Variants in RBFOX1 observed in about 807,000 individuals in gnomAD.
RBFOX1 encodes the protein RNA binding fox-1 homolog 1, also known as RNA binding protein fox-1 homolog 1.
RBFOX1 carries 8 observed loss-of-function variants against 57.7 expected under a neutral mutation model. That is an observed-to-expected ratio of 0.14 (90% CI 0.08 to 0.25). The LOEUF is 0.25. RBFOX1 is among the 10% of genes least tolerant of loss of function. RBFOX1 has a pLI of 1.00. For missense variants in RBFOX1, 611 were observed against 548.5 expected (o/e 1.11, Z -1.14); for synonymous variants, 326 against 222.4 (o/e 1.47, Z -4.15).
chr16:5,538,441 G>T (rs1034599654), intron 2 of RBFOX1, among the ~76,000 whole-genome samples: 2 of 152,090 alleles, frequency 1.3e-5, no homozygotes, highest in African/African-American at 4.8e-5. Context: ...GAAGACTAAG[G>T]CTTTTAGACG....
intron 2 of RBFOX1, among the ~76,000 whole-genome samples, chr16:6,567,409 A>G (rs2097282251): frequency 2.0e-5 from 3 of 152,166 alleles, no homozygotes; most frequent in Non-Finnish European, 2.9e-5. Context: ...CTGTCCCTAG[A>G]TAGCCTCTTG....
At chr16:5,361,678 G>T (rs1041916213) in intron 1 of RBFOX1, among the ~76,000 whole-genome samples, 2 of 152,172 alleles carry the variant, frequency 1.3e-5, no homozygotes, top group Non-Finnish European at 2.9e-5. Context: ...AAGGTAGATG[G>T]TTGCCGAGCA....
At chr16:5,699,131 G>A (rs1476005951) in intron 3 of RBFOX1, among the ~76,000 whole-genome samples, 2 of 151,848 alleles carry the variant, frequency 1.3e-5, no homozygotes, top group Non-Finnish European at 2.9e-5. Context: ...GGGTCTATAG[G>A]TGCATGCCAC....
intron 3 of RBFOX1, among the ~76,000 whole-genome samples, chr16:5,835,221 T>C (rs1000014632): frequency 3.9e-5 from 6 of 152,104 alleles, no homozygotes; most frequent in Middle Eastern, 6.8e-3. Flanking sequence ...ACATCTGAAG[T>C]GAGCACAGAG....
chr16:6,148,542 C>A (rs2096775487), intron 1 of RBFOX1, among the ~76,000 whole-genome samples: 1 of 152,120 alleles, frequency 6.6e-6, no homozygotes, highest in Non-Finnish European at 1.5e-5. Context: ...GGCAGGAAAA[C>A]CTTATCAAAT....
intron 3 of RBFOX1, among the ~76,000 whole-genome samples, chr16:5,845,331 G>C (rs1336230042): frequency 1.3e-5 from 2 of 152,074 alleles, no homozygotes; most frequent in Non-Finnish European, 2.9e-5. Flanking sequence ...CCAGCACTGG[G>C]AATATTCCTC....
At chr16:7,127,939 G>C (rs574667987) in intron 4 of RBFOX1, among the ~76,000 whole-genome samples, 143 of 152,302 alleles carry the variant, frequency 9.4e-4, no homozygotes, top group African/African-American at 3.3e-3. Flanking sequence ...GAGTTCATTG[G>C]CTTACACAAC....
intron 1 of RBFOX1, among the ~76,000 whole-genome samples, chr16:5,432,906 C>CTT (rs1221613237): frequency 1.9e-4 from 29 of 152,290 alleles, no homozygotes; most frequent in Non-Finnish European, 3.8e-4. Context: ...CCATCTCAGC[C>CTT]TCCTGAGTAG....
chr16:5,891,926 G>C (rs2058053050), intron 4 of RBFOX1, among the ~76,000 whole-genome samples: 1 of 152,214 alleles, frequency 6.6e-6, no homozygotes. Flanking sequence ...TCCTCAGTGA[G>C]ATCAACAAGA....
At chr16:6,482,446 A>G (rs1006241006) in intron 2 of RBFOX1, among the ~76,000 whole-genome samples, 1 of 152,260 alleles carries the variant, frequency 6.6e-6, no homozygotes, top group Non-Finnish European at 1.5e-5. Context: ...TGTGTAACTC[A>G]TTCCTATTAA....
rs141540814 is a variant in RBFOX1 at position 6,646,897 on chromosome 16, A to G, written c.-63-7706A>G. 5.5e-3 allele frequency among the ~76,000 whole-genome samples: 833 copies of G among 152,212 alleles called. 15 individuals carry two copies. The highest frequency in any genetic ancestry group is 0.019 in the African/African-American group (790 of 41,532). ...CCATTAATTTAGGAGACAGGGTGAG[A>G]AAAGGAAGATACCGCGTGTACACAT... On this transcript the variant is annotated intron_variant, in intron 2 of 15. Transcript: ENST00000550418.
rs144432573 is a variant in RBFOX1, at chr16:5,743,173, A to G, written c.319-124130A>G. 2.0e-5 allele frequency among the ~76,000 whole-genome samples: 3 copies of G among 152,340 alleles called. No individual in the cohort carries two copies. The East Asian group carries it at 5.8e-4, about 29-fold the overall frequency. On this transcript the variant is annotated intron_variant, in intron 3 of 19. Transcript: ENST00000641259. ...GAGAGGAGATATATGGGTTACAGGT[A>G]CATTTTCTATTTCTCTTTGTATGTC... is the stretch of plus-strand genomic sequence containing the variant.
intron 3 of RBFOX1, among the ~76,000 whole-genome samples, chr16:6,959,561 G>C (rs1405307601): frequency 6.6e-6 from 1 of 152,056 alleles, no homozygotes; most frequent in Non-Finnish European, 1.5e-5. Flanking sequence ...GTGAGTCTGT[G>C]GCAAAGCAGG....
At chr16:6,079,033 G>T (rs1004397248) in intron 1 of RBFOX1, among the ~76,000 whole-genome samples, 1 of 152,158 alleles carries the variant, frequency 6.6e-6, no homozygotes, top group African/African-American at 2.4e-5. Context: ...CTCTGGCTGG[G>T]TGCAGTGGCT....
chr16:5,528,175 C>T (rs572429255), intron 2 of RBFOX1, among the ~76,000 whole-genome samples: 1 of 152,228 alleles, frequency 6.6e-6, no homozygotes, highest in African/African-American at 2.4e-5. Flanking sequence ...TCCTAAGGTT[C>T]TGCTCGAGAC....
intron 1 of RBFOX1, among the ~76,000 whole-genome samples, chr16:6,280,837 G>A (rs1333996249): frequency 1.3e-5 from 2 of 151,930 alleles, no homozygotes; most frequent in Non-Finnish European, 2.9e-5. Context: ...ACATACTACA[G>A]AGAGTATGTG....
chr16:6,452,652 A>G (rs573249155), intron 2 of RBFOX1, among the ~76,000 whole-genome samples: 19 of 152,324 alleles, frequency 1.2e-4, no homozygotes, highest in Admixed American at 2.6e-4. Context: ...GTTTAAGACA[A>G]TAGGGATTGA....
At chr16:6,300,006 G>A (rs2078625606) in intron 1 of RBFOX1, among the ~76,000 whole-genome samples, 1 of 152,176 alleles carries the variant, frequency 6.6e-6, no homozygotes, top group East Asian at 1.9e-4. Context: ...ATACCATTCA[G>A]CTTCAAAAGA....
At chr16:6,119,548 A>G (rs770758352) in intron 1 of RBFOX1, among the ~76,000 whole-genome samples, 7 of 152,228 alleles carry the variant, frequency 4.6e-5, no homozygotes, top group Non-Finnish European at 7.3e-5. Context: ...CATGCCCTGT[A>G]CATGTATTCA....
Sources: allele counts gnomAD v4.1 joint callset (sites outside exome capture counted in the v4.1 genomes callset), GRCh38; gene constraint gnomAD v4.1.1; transcripts MANE v1.5; gene names NCBI Gene and HGNC (gene_info 2026-07-23, HGNC 2026-07-21).